The following RORB variants were observed in gnomAD, a reference collection of about 807,000 sequenced individuals.
The protein encoded by RORB is RAR related orphan receptor B.
A neutral mutation model predicts 59.1 loss-of-function variants in RORB; 6 were observed. The ratio of observed to expected loss-of-function variants is 0.10; its 90% CI spans 0.06 to 0.20. The LOEUF is 0.20. RORB is among the 10% of genes least tolerant of loss of function. The probability of loss-of-function intolerance (pLI) is 1.00; values close to 1 mark genes in which losing one functional copy is unlikely to be tolerated. For missense variants in RORB, 320 were observed against 560.5 expected, an observed-to-expected ratio of 0.57 and a Z score of 4.33; for synonymous variants, 215 against 204.5, an observed-to-expected ratio of 1.05 and a Z score of -0.44.
intron 9 of RORB, among the ~76,000 whole-genome samples, chr9:74,674,181 T>C (rs544007672): frequency 6.6e-6 from 1 of 152,320 alleles, no homozygotes; most frequent in East Asian, 1.9e-4. Flanking sequence ...TGAGAGAAAC[T>C]GTTTCATCCC....
intron 1 of RORB, among the ~76,000 whole-genome samples, chr9:74,579,039 C>A (rs1323352): frequency 6.6e-6 from 1 of 152,114 alleles, no homozygotes; most frequent in Non-Finnish European, 1.5e-5. Context: ...TGTTTATACT[C>A]TATTAATCCT....
At chr9:74,597,856 G>T (rs1314064757) in intron 1 of RORB, among the ~76,000 whole-genome samples, 1 of 152,040 alleles carries the variant, frequency 6.6e-6, no homozygotes, top group Non-Finnish European at 1.5e-5. Context: ...TACTTGGGAG[G>T]CTGAGGCAGG....
chr9:74,550,020 C>A (rs1467896219), intron 1 of RORB, among the ~76,000 whole-genome samples: 1 of 152,076 alleles, frequency 6.6e-6, no homozygotes, highest in African/African-American at 2.4e-5. Context: ...AGCCCCTGCG[C>A]CCGGCCGATT....
intron 8 of RORB, among the ~76,000 whole-genome samples, chr9:74,669,714 C>G (rs550710887): frequency 6.6e-6 from 1 of 152,198 alleles, no homozygotes; most frequent in African/African-American, 2.4e-5. Context: ...GGTCAAGAGT[C>G]TCATTTCTTC....
At chr9:74,630,210 G>T in intron 1 of RORB, 72 bp from the exon 2 acceptor site, 1 of 1,572,208 alleles carries the variant, frequency 6.4e-7, no homozygotes. Context: ...AGATAGATGG[G>T]GAGAGAGATA....
chr9:74,568,439 C>T (rs551143301), intron 1 of RORB, among the ~76,000 whole-genome samples: 115 of 151,996 alleles, frequency 7.6e-4, no homozygotes, highest in African/African-American at 2.7e-3. Context: ...CGGTGGCTCA[C>T]GCCTGTAATC....
In RORB at chr9:74,634,708, G is replaced by T. The variant is rs756261740; in HGVS notation, c.171G>T (p.Thr57=). The T allele has an allele frequency of 8.1e-6, 13 of 1,613,524 alleles. No homozygotes were observed. Among genetic ancestry groups the T allele is most frequent in the Non-Finnish European group, 1.1e-5 (13 of 1,179,710 alleles). The change falls in exon 3 of 10, where the codon ACG becomes ACT. Residue 57 remains threonine, a synonymous_variant. Coordinates refer to ENST00000376896, the MANE Select transcript of RORB (RefSeq NM_006914.4). ...PRQRNCLIDR[T]NRNRCQHCRL... ...AGAGAAACTGTTTAATTGACAGAAC[G>T]AACAGAAACCGTTGCCAACACTGCC...
chr9:74,591,547 T>C (rs1822893375), intron 1 of RORB, among the ~76,000 whole-genome samples: 1 of 152,246 alleles, frequency 6.6e-6, no homozygotes, highest in African/African-American at 2.4e-5. Flanking sequence ...GGATAGCTGA[T>C]ACTACGTGGA....
rs533435919 is a variant in RORB, at chr9:74,572,950, C to T, written c.8-57332C>T. Among the ~76,000 whole-genome samples, 7 of 152,186 alleles carry T rather than the reference C, an allele frequency of 4.6e-5. No individual in the cohort carries two copies. In the South Asian group the frequency reaches 8.3e-4, roughly 18 times the overall value. ...TAGCAAATTGTAGCTGAATTTGAGA[C>T]GGTAATTTTCACTCTTCAGAATCTT... On this transcript the variant is annotated intron_variant, in intron 1 of 9. Transcript: ENST00000376896.
At chr9:74,653,431 T>C (rs1356910965) in intron 4 of RORB, among the ~76,000 whole-genome samples, 1 of 151,820 alleles carries the variant, frequency 6.6e-6, no homozygotes, top group African/African-American at 2.4e-5. Context: ...TGAGATACGG[T>C]ATTTTTAGGA....
intron 4 of RORB, among the ~76,000 whole-genome samples, chr9:74,645,243 T>C (rs1823875348): frequency 6.6e-6 from 1 of 152,160 alleles, no homozygotes; most frequent in Non-Finnish European, 1.5e-5. Context: ...ATTCTATGAC[T>C]GTTGAATCTA....
At chr9:74,527,938 C>T (rs990379399) in intron 1 of RORB, among the ~76,000 whole-genome samples, 14 of 151,984 alleles carry the variant, frequency 9.2e-5, no homozygotes, top group Admixed American at 7.2e-4. Context: ...TGAGTGGTGA[C>T]GTAATTTCAC....
At chr9:74,672,432 T>C (rs1046700445) in intron 9 of RORB, among the ~76,000 whole-genome samples, 1 of 152,180 alleles carries the variant, frequency 6.6e-6, no homozygotes, top group Non-Finnish European at 1.5e-5. Flanking sequence ...ATGACATTCC[T>C]ACTCAGAGTG....
intron 9 of RORB, among the ~76,000 whole-genome samples, chr9:74,682,708 T>C (rs771027529): frequency 7.9e-5 from 12 of 152,330 alleles, no homozygotes; most frequent in South Asian, 4.1e-4. Context: ...AAGCAGCTAA[T>C]TCTACACTTA....
intron 1 of RORB, among the ~76,000 whole-genome samples, chr9:74,629,516 A>G (rs1013442503): frequency 6.6e-6 from 1 of 152,020 alleles, no homozygotes; most frequent in African/African-American, 2.4e-5. Context: ...GCCAACAGAA[A>G]TGCCCTTTGC....
intron 9 of RORB, among the ~76,000 whole-genome samples, chr9:74,681,531 A>G (rs1563973549): frequency 6.6e-6 from 1 of 152,364 alleles, no homozygotes; most frequent in African/African-American, 2.4e-5. Context: ...GCTCTTTAAC[A>G]GAAAGCAATT....
intron 1 of RORB, among the ~76,000 whole-genome samples, chr9:74,577,120 C>T (rs1822647632): frequency 6.6e-6 from 1 of 152,110 alleles, no homozygotes; most frequent in Non-Finnish European, 1.5e-5. Context: ...AATGTTTACC[C>T]ATTAAAAACT....
chr9:74,559,544 G>A (rs1232191462), intron 1 of RORB, among the ~76,000 whole-genome samples: 5 of 151,962 alleles, frequency 3.3e-5, no homozygotes, highest in Non-Finnish European at 7.4e-5. Flanking sequence ...ATATAGCTAT[G>A]GTTTCACCTT....
chr9:74,584,955 G>T (rs969760839), intron 1 of RORB, among the ~76,000 whole-genome samples: 1 of 152,156 alleles, frequency 6.6e-6, no homozygotes, highest in Admixed American at 6.5e-5. Context: ...AAATGCTATG[G>T]AATGTGTTGA....
Sources: gnomAD v4.1 joint callset for allele counts (sites outside exome capture counted in the v4.1 genomes callset) on GRCh38, gnomAD v4.1.1 for gene constraint, MANE v1.5 for transcripts, NCBI Gene and HGNC (gene_info 2026-07-23, HGNC 2026-07-21) for gene names.